The following AKNA variants were observed in gnomAD, a reference collection of about 807,000 sequenced individuals.
The protein encoded by AKNA is microtubule organization protein AKNA.
Under a neutral mutation model 138.8 loss-of-function variants are expected in AKNA, and 67 were observed. The observed-to-expected ratio is 0.48, with a 90% CI of 0.40 to 0.59. AKNA has a LOEUF of 0.59. AKNA is among the 20% of genes least tolerant of loss of function. The pLI, the probability that AKNA is intolerant of heterozygous loss-of-function variation, is 0.00. For missense variants in AKNA, 1,813 were observed against 1,880.4 expected, an observed-to-expected ratio of 0.96 and a Z score of 0.66; for synonymous variants, 737 against 754.4, an observed-to-expected ratio of 0.98 and a Z score of 0.38.
rs1216446780 is a variant in AKNA at position 114,377,297 on chromosome 9, G to A, written c.510C>T (p.Gly170=). The change falls in exon 3 of 22, where the codon GGC becomes GGT. Residue 170 remains glycine, a synonymous_variant. Transcript: ENST00000374088. ...PMALGHGQAR[G]WVASGEQASG... ...TGGCTTGTTCGCCAGAAGCCACCCA[G>A]CCCCTGGCCTGACCATGCCCAAGAG... The A allele has an allele frequency of 1.9e-6, 3 of 1,614,046 alleles. No individual in the cohort carries two copies. The highest frequency in any genetic ancestry group is 2.5e-6 in the Non-Finnish European group (3 of 1,180,030).
Position 114,376,236 on chromosome 9 carries a change from C to T in AKNA, c.1341+230G>A, listed in dbSNP as rs768814674. 2.5e-3 allele frequency: 1,014 copies of T among 408,050 alleles called. 3 individuals carry two copies. Among genetic ancestry groups the T allele is most frequent in the Non-Finnish European group, 3.2e-3 (680 of 213,988 alleles). 25.3% of individuals were successfully genotyped at this position (408,050 alleles called of 1,614,324 possible). On this transcript the variant is annotated intron_variant, in intron 3 of 21. Coordinates refer to ENST00000374088, the MANE Select transcript of AKNA (RefSeq NM_001317950.2). ...TACCCCAGGGCTCCCCACCCCAGGC[C>T]TCCCCACCCCACTGGCCTCCATCCC...
chr9:114,385,478 G>A (rs1471713094), intron 1 of AKNA, among the ~76,000 whole-genome samples: 1 of 152,242 alleles, frequency 6.6e-6, no homozygotes, highest in East Asian at 1.9e-4. Context: ...CTCTGCTGAG[G>A]AAGGGGCCGG....
chr9:114,369,797 A>G (rs567661953), intron 4 of AKNA, among the ~76,000 whole-genome samples: 12 of 152,056 alleles, frequency 7.9e-5, no homozygotes, highest in Non-Finnish European at 5.9e-5. Context: ...CACCATCATT[A>G]CCATCACCAT....
chr9:114,371,706 A>G (rs909431322), intron 4 of AKNA, among the ~76,000 whole-genome samples: 2 of 151,998 alleles, frequency 1.3e-5, no homozygotes, highest in Non-Finnish European at 2.9e-5. Flanking sequence ...TCTCCTTCCT[A>G]TGGGTCCCCA....
chr9:114,358,341 C>A, intron 11 of AKNA, 174 bp from the exon 12 acceptor site: 1 of 718,134 alleles, frequency 1.4e-6, no homozygotes, highest in Non-Finnish European at 2.2e-6. Context: ...AGGCACTTCC[C>A]CTCTCTCAAC....
chr9:114,397,756 G>A (rs1340539121), upstream of AKNA, among the ~76,000 whole-genome samples: 2 of 152,198 alleles, frequency 1.3e-5, no homozygotes, highest in African/African-American at 4.8e-5. Context: ...ATTCTCCTCC[G>A]CAGGTGTACC....
chr9:114,393,057 T>C (rs1378851829), intron 1 of AKNA, among the ~76,000 whole-genome samples: 1 of 152,154 alleles, frequency 6.6e-6, no homozygotes, highest in Non-Finnish European at 1.5e-5. Flanking sequence ...GAACACCTAT[T>C]ATGTGTCAAA....
At position 114,336,879 on chromosome 9, in the gene AKNA, C is replaced by T; in HGVS notation, c.*175G>A. ...TCACTTCTCTTGGTGACCGAGCTGA[C>T]ACCCCCTCCACTTGGAAAGCACAGG... On this transcript the variant is annotated 3_prime_UTR_variant, in exon 22 of 22. Coordinates refer to ENST00000374088, the MANE Select transcript of AKNA (RefSeq NM_001317950.2). 1 of 750,556 alleles carries T rather than the reference C, an allele frequency of 1.3e-6. No individual in the cohort carries two copies. The allele number at this position is 750,556 out of a possible 1,614,324, so 46.5% of individuals were successfully genotyped here. A position where few individuals can be genotyped will look rare whatever the true frequency, so the allele number is the denominator to read the frequency against.
Position 114,387,899 on chromosome 9 carries a change from AG to A in AKNA, c.-154del, listed in dbSNP as rs1349652365. 1 of 454,486 alleles carries A rather than the reference AG, an allele frequency of 2.2e-6. No homozygotes were observed. The highest frequency in any genetic ancestry group is 7.0e-5 in the East Asian group (1 of 14,310). 28.2% of individuals were successfully genotyped at this position (454,486 alleles called of 1,614,324 possible). ...ACCACCGTCCTGCCGACCCAGTTTC[AG>A]GGGACCTGCCTGTGAATTCTTTGTT... On this transcript the variant is annotated 5_prime_UTR_variant, in exon 1 of 22. An upstream open reading frame in the 5' UTR loses its in-frame stop. Coordinates refer to ENST00000374088, the MANE Select transcript of AKNA (RefSeq NM_001317950.2).
intron 21 of AKNA, 122 bp downstream of exon 21, chr9:114,341,411 C>A: frequency 8.1e-7 from 1 of 1,228,546 alleles, no homozygotes; most frequent in Admixed American, 2.3e-5. Flanking sequence ...TGCATGTTAT[C>A]CACGCAGGGA....
chr9:114,342,941 G>A (rs1830459026), intron 19 of AKNA, among the ~76,000 whole-genome samples: 1 of 152,244 alleles, frequency 6.6e-6, no homozygotes, highest in Admixed American at 6.5e-5. Flanking sequence ...CACAGGAAGA[G>A]CATAGTGGTG....
upstream of AKNA, among the ~76,000 whole-genome samples, chr9:114,397,585 C>A (rs144346624): frequency 8.5e-4 from 129 of 152,298 alleles, 1 homozygote; most frequent in South Asian, 4.8e-3. Context: ...TCATTTCTTT[C>A]AACAAAAGCC....
At chr9:114,382,108 C>T (rs2132098589) in intron 1 of AKNA, among the ~76,000 whole-genome samples, 1 of 152,238 alleles carries the variant, frequency 6.6e-6, no homozygotes, top group South Asian at 2.1e-4. Flanking sequence ...AACTGATGGC[C>T]CAGGAGGAAG....
upstream of AKNA, among the ~76,000 whole-genome samples, chr9:114,392,296 C>G (rs1209197735): frequency 6.6e-6 from 1 of 152,226 alleles, no homozygotes; most frequent in Admixed American, 6.5e-5. Flanking sequence ...GAGATTGTCT[C>G]TGAGGTTATC....
At position 114,336,782 on chromosome 9, in the gene AKNA, C is replaced by T; in HGVS notation, c.*272G>A. The T allele has an allele frequency of 2.5e-6, 1 of 405,368 alleles. No individual in the cohort carries two copies. Among genetic ancestry groups the T allele is most frequent in the Non-Finnish European group, 4.4e-6 (1 of 229,714 alleles). 25.1% of individuals were successfully genotyped at this position (405,368 alleles called of 1,614,324 possible). A position where few individuals can be genotyped will look rare whatever the true frequency, so the allele number is the denominator to read the frequency against. On this transcript the variant is annotated 3_prime_UTR_variant, in exon 22 of 22. Coordinates refer to ENST00000374088, the MANE Select transcript of AKNA (RefSeq NM_001317950.2). ...CACATGCAGGACCAGGAGAGACTGC[C>T]TGAGGTTCTGCCTGGACCGAAGGAG...
upstream of AKNA, chr9:114,396,609 G>C (rs1834541536): frequency 6.6e-6 from 1 of 151,708 alleles, no homozygotes; most frequent in African/African-American, 2.4e-5. Flanking sequence ...AACCTGGGCG[G>C]CAGATGTTCC....
intron 12 of AKNA, among the ~76,000 whole-genome samples, chr9:114,357,629 A>G (rs1388407859): frequency 6.6e-6 from 1 of 152,110 alleles, no homozygotes; most frequent in African/African-American, 2.4e-5. Context: ...AGTGATGTCT[A>G]CTCTAAAGAG....
At position 114,361,783 on chromosome 9, in the gene AKNA, G is replaced by A. The variant is rs755961862; in HGVS notation, c.2045C>T (p.Pro682Leu). 1.9e-6 allele frequency: 3 copies of A among 1,613,924 alleles called. No individual in the cohort carries two copies. In the East Asian group the frequency reaches 6.7e-5, roughly 36 times the overall value. The change falls in exon 9 of 22, where the codon CCC (proline) becomes CTC (leucine). Residue 682 changes from proline to leucine, a missense_variant. Pro to Leu is a moderately conservative substitution (Grantham distance 98). Transcript: ENST00000374088. ...CAGGTGCGTTGGCTGATGGAGGCAGGGCAGGGCTGGGGTGCTGTCCAGAGC... is the reference window on the plus strand; with the variant it reads ...CAGGTGCGTTGGCTGATGGAGGCAGAGCAGGGCTGGGGTGCTGTCCAGAGC... Reference protein sequence around the residue: ...DSALDSTPALPCLHQPTHLPA... With the variant: ...DSALDSTPALLCLHQPTHLPA...
upstream of AKNA, among the ~76,000 whole-genome samples, chr9:114,389,967 C>A (rs1834273428): frequency 6.6e-6 from 1 of 152,256 alleles, no homozygotes; most frequent in Non-Finnish European, 1.5e-5. Context: ...CAGAGCCAAA[C>A]CCTAATGAGG....
Sources: allele counts gnomAD v4.1 joint callset (sites outside exome capture counted in the v4.1 genomes callset), GRCh38; gene constraint gnomAD v4.1.1; transcripts MANE v1.5; gene names NCBI Gene and HGNC (gene_info 2026-07-23, HGNC 2026-07-21).